Variants in ZNF331 observed in about 807,000 individuals in gnomAD.
The protein encoded by ZNF331 is zinc finger protein 331, also known as C2H2-like zinc finger protein rearranged in thyroid adenomas.
A neutral mutation model predicts 7.0 loss-of-function variants in ZNF331; 2 were observed. The ratio of observed to expected loss-of-function variants is 0.29; its 90% CI spans 0.12 to 0.90. ZNF331 has a LOEUF of 0.90. Ranked by LOEUF, ZNF331 falls within the 40% of genes least tolerant of loss-of-function variation. The pLI is 0.58. For missense variants in ZNF331, 432 were observed against 587.7 expected (o/e 0.74, Z 2.74); for synonymous variants, 196 against 205.4 (o/e 0.95, Z 0.39).
rs201499102 is a variant in ZNF331, at chr19:53,544,727, C to T, written c.-138+5445C>T. On this transcript the variant is annotated intron_variant, in intron 2 of 5. Transcript: ENST00000449416. ...TCACTATCCTGGCTGTGATACTGTA[C>T]TGCAGTTTTGTTTTTCTTTTTTTTG... 1.8e-4 allele frequency among the ~76,000 whole-genome samples: 27 copies of T among 151,826 alleles called. No individual in the cohort carries two copies. The East Asian group carries it at 2.3e-3, about 13-fold the overall frequency.
intron 2 of ZNF331, among the ~76,000 whole-genome samples, chr19:53,550,405 G>C (rs1199461646): frequency 6.6e-6 from 1 of 151,884 alleles, no homozygotes; most frequent in Non-Finnish European, 1.5e-5. Flanking sequence ...ATGTATTTAA[G>C]AGCTCCAATG....
At chr19:53,552,812 T>C (rs2089097369) in intron 2 of ZNF331, among the ~76,000 whole-genome samples, 1 of 152,180 alleles carries the variant, frequency 6.6e-6, no homozygotes, top group Admixed American at 6.5e-5. Context: ...TCTTCAATAG[T>C]AACCACAAAC....
chr19:53,529,245 C>CA (rs1310951768), intron 2 of ZNF331, among the ~76,000 whole-genome samples: 2 of 151,754 alleles, frequency 1.3e-5, no homozygotes, highest in African/African-American at 2.4e-5. Context: ...ACTAAAAATA[C>CA]AAAAATTAGC....
chr19:53,556,329 A>G (rs2089427048), intron 3 of ZNF331, among the ~76,000 whole-genome samples: 2 of 151,920 alleles, frequency 1.3e-5, no homozygotes, highest in Non-Finnish European at 1.5e-5. Flanking sequence ...TATTCAGTGA[A>G]GGAAGAGAGG....
At position 53,577,510 on chromosome 19, in the gene ZNF331, A is replaced by G; in HGVS notation, c.950A>G (p.His317Arg). The G allele has an allele frequency of 6.2e-7, 1 of 1,612,822 alleles. No homozygotes were observed. Among genetic ancestry groups the G allele is most frequent in the Non-Finnish European group, 8.5e-7 (1 of 1,178,986 alleles). ...ACTCGAGTCAATTACCTTACTCAGCATCAGAAGATCCACACCGGTGAGAAG... is the reference window on the plus strand; with the variant it reads ...ACTCGAGTCAATTACCTTACTCAGCGTCAGAAGATCCACACCGGTGAGAAG... The part of the protein sequence containing the change: ...AFTRVNYLTQ[H>R]QKIHTGEKPH... Residue 317 changes from histidine to arginine, a missense_variant, in exon 6 of 6, where the codon CAT becomes CGT. Physicochemically the swap from His to Arg is conservative, Grantham distance 29. This residue lies in a region of ZNF331 where 312 missense variants were observed against 448.6 expected (regional missense o/e 0.70). Coordinates refer to ENST00000449416, the MANE Select transcript of ZNF331 (RefSeq NM_001079906.2).
At chr19:53,511,326 A>G in the ZNF331 span, among the ~76,000 whole-genome samples, 1 of 152,174 alleles carries the variant, frequency 6.6e-6, no homozygotes, top group South Asian at 2.1e-4. Flanking sequence ...ATACATTTAT[A>G]TGGTAAAAGA....
the ZNF331 span, chr19:53,504,225 C>G: frequency 3.1e-6 from 1 of 319,054 alleles, no homozygotes; most frequent in Non-Finnish European, 6.1e-6. Flanking sequence ...AGCTGTCAGC[C>G]CCTTTCTTCT....
In ZNF331 at chr19:53,543,848, A is replaced by G. The variant is rs192506816; in HGVS notation, c.-138+4566A>G. Among the ~76,000 whole-genome samples, 19 of 152,306 alleles carry G rather than the reference A, an allele frequency of 1.2e-4. No individual in the cohort carries two copies. In the East Asian group the frequency reaches 3.5e-3, roughly 28 times the overall value. ...CACATCTCTAAAGTCAGACCACACAACCTGTATTCTTAATTTCATCAAAAC... is the reference window on the plus strand; with the variant it reads ...CACATCTCTAAAGTCAGACCACACAGCCTGTATTCTTAATTTCATCAAAAC... On this transcript the variant is annotated intron_variant, in intron 2 of 5. Transcript: ENST00000449416.
At chr19:53,559,537 CCATATATACACACATATACACACCTA>C (rs1274605394) in intron 3 of ZNF331, among the ~76,000 whole-genome samples, 4 of 149,886 alleles carry the variant, frequency 2.7e-5, no homozygotes, top group Middle Eastern at 3.7e-3. Context: ...TACACACACG[CCATATATACACACATATACACACCTA>C]CATATATACA....
chr19:53,510,948 T>C, the ZNF331 span, among the ~76,000 whole-genome samples: 1 of 152,164 alleles, frequency 6.6e-6, no homozygotes, highest in Non-Finnish European at 1.5e-5. Context: ...ATCTAACTTG[T>C]AAATTATTAT....
chr19:53,551,003 T>C (rs1280214096), intron 2 of ZNF331, among the ~76,000 whole-genome samples: 2 of 151,814 alleles, frequency 1.3e-5, no homozygotes, highest in South Asian at 2.1e-4. Context: ...AGCTAATTAT[T>C]GTATTTTTTA....
At chr19:53,568,636 C>T (rs1249968050) in intron 3 of ZNF331, among the ~76,000 whole-genome samples, 1 of 152,044 alleles carries the variant, frequency 6.6e-6, no homozygotes, top group African/African-American at 2.4e-5. Context: ...AGGGCAAAGG[C>T]CAGACTACTT....
intron 3 of ZNF331, among the ~76,000 whole-genome samples, chr19:53,568,589 C>T (rs1168141178): frequency 1.3e-5 from 2 of 152,098 alleles, no homozygotes; most frequent in Admixed American, 1.3e-4. Context: ...CAAAGACATT[C>T]CTCTTAGAGG....
At chr19:53,561,738 A>G (rs936634154) in intron 3 of ZNF331, among the ~76,000 whole-genome samples, 1 of 152,172 alleles carries the variant, frequency 6.6e-6, no homozygotes, top group Admixed American at 6.6e-5. Context: ...CTATGGTCCT[A>G]GCTACTTAGG....
At chr19:53,527,260 G>A (rs948017161) in intron 2 of ZNF331, among the ~76,000 whole-genome samples, 5 of 152,176 alleles carry the variant, frequency 3.3e-5, no homozygotes, top group Admixed American at 6.5e-5. Flanking sequence ...TCAGAGTTAT[G>A]AAGGTGCTGG....
intron 3 of ZNF331, among the ~76,000 whole-genome samples, chr19:53,567,583 A>G (rs2147617576): frequency 6.6e-6 from 1 of 152,254 alleles, no homozygotes; most frequent in South Asian, 2.1e-4. Flanking sequence ...ATGGTGACTC[A>G]TGCCTATAAT....
At chr19:53,528,013 A>C (rs2087372460) in intron 2 of ZNF331, among the ~76,000 whole-genome samples, 1 of 152,246 alleles carries the variant, frequency 6.6e-6, no homozygotes, top group East Asian at 1.9e-4. Flanking sequence ...AAATCCAAAT[A>C]TATGAAATGA....
chr19:53,575,604 G>A (rs1018637326), intron 5 of ZNF331, among the ~76,000 whole-genome samples: 1 of 146,420 alleles, frequency 6.8e-6, no homozygotes, highest in African/African-American at 2.5e-5. Context: ...CTCCCAAGTA[G>A]CTGGGATTAT....
In ZNF331 at chr19:53,571,769, G is replaced by A. The variant is rs772393977; in HGVS notation, c.136+39G>A. ...CTCAGATAACTTAGACTGCCTCCTG[G>A]AATATCCGCTCTCCCCTGTGAATTT... On this transcript the variant is annotated intron_variant, in intron 5 of 5. Transcript: ENST00000449416. The surrounding 1 kb of genome is among the most constrained non-coding windows in gnomAD (Gnocchi z 4.7). 44 of 1,570,498 alleles carry A rather than the reference G, an allele frequency of 2.8e-5. No individual in the cohort carries two copies. The highest frequency in any genetic ancestry group is 5.9e-5 in the South Asian group (5 of 84,654).
Sources: gnomAD v4.1 joint callset for allele counts (sites outside exome capture counted in the v4.1 genomes callset) on GRCh38, gnomAD v4.1.1 for gene constraint, gnomAD v4.1.1 regional missense constraint, Gnocchi (gnomAD v3.1) non-coding constraint, MANE v1.5 for transcripts, NCBI Gene and HGNC (gene_info 2026-07-23, HGNC 2026-07-21) for gene names.